Variants in TMEM65 observed in about 807,000 individuals in gnomAD.
The protein encoded by TMEM65 is transmembrane protein 65.
In TMEM65, 22 loss-of-function variants were observed where a neutral mutation model predicts 25.4. The observed-to-expected ratio is 0.86, with a 90% CI of 0.62 to 1.23. The LOEUF (loss-of-function observed/expected upper bound fraction) is 1.23, where lower values mean the gene tolerates loss of function less well. TMEM65 is among the 50% of genes most tolerant of loss of function. TMEM65 has a pLI of 0.00. For synonymous variants in TMEM65, 132 were observed against 126.2 expected (o/e 1.05, Z -0.31); for missense variants, 262 against 308.2 (o/e 0.85, Z 1.12).
At chr8:124,340,096 A>C (rs1814567328) in intron 1 of TMEM65, among the ~76,000 whole-genome samples, 1 of 152,212 alleles carries the variant, frequency 6.6e-6, no homozygotes, top group East Asian at 1.9e-4. Flanking sequence ...AAAACATCTT[A>C]AAGTCTTTTT....
At chr8:124,368,393 G>C (rs1814968650) in intron 1 of TMEM65, among the ~76,000 whole-genome samples, 1 of 149,744 alleles carries the variant, frequency 6.7e-6, no homozygotes, top group Admixed American at 6.7e-5. Flanking sequence ...AATAAGTGTG[G>C]AAGCCAGCCT....
In TMEM65 at chr8:124,311,569, G is replaced by T. The variant is rs967582252; in HGVS notation, c.*2391C>A. The T allele has an allele frequency of 6.6e-6, 1 of 152,396 alleles. No homozygotes were observed. The highest frequency in any genetic ancestry group is 1.5e-5 in the Non-Finnish European group (1 of 67,988). 9.4% of individuals were successfully genotyped at this position (152,396 alleles called of 1,614,324 possible). A position where few individuals can be genotyped will look rare whatever the true frequency, so the allele number is the denominator to read the frequency against. On this transcript the variant is annotated 3_prime_UTR_variant, in exon 7 of 7. Transcript: ENST00000297632. Reference sequence around the variant, plus strand: ...GTAGCTCATGTTGCATTTAACTATGGTTCTTGTGCTCCTAATAGAGAAGTA... The same window carrying T: ...GTAGCTCATGTTGCATTTAACTATGTTTCTTGTGCTCCTAATAGAGAAGTA...
chr8:124,310,549 T>C lies in TMEM65; in HGVS notation c.*3411A>G, dbSNP rs1161315747. The C allele has an allele frequency of 1.3e-5, 2 of 152,070 alleles. No individual in the cohort carries two copies. Among genetic ancestry groups the C allele is most frequent in the Admixed American group, 6.5e-5 (1 of 15,268 alleles). 9.4% of individuals were successfully genotyped at this position (152,070 alleles called of 1,614,324 possible). ...ATGCCTCAATTTAGCTATGAGAAAA[T>C]AGAGATGATAATGATAATAGCCCCA... is the stretch of plus-strand genomic sequence containing the variant. On this transcript the variant is annotated 3_prime_UTR_variant, in exon 7 of 7. Coordinates refer to ENST00000297632, the MANE Select transcript of TMEM65 (RefSeq NM_194291.3).
rs183099110 is a variant in TMEM65, at chr8:124,367,604, C to T, written c.304+4250G>A. ...GTGAACAGGGATTCCATAAGAAAGCCTAATTTATTTTTAAGTGTTTTAGAT... is the reference window on the plus strand; with the variant it reads ...GTGAACAGGGATTCCATAAGAAAGCTTAATTTATTTTTAAGTGTTTTAGAT... On this transcript the variant is annotated intron_variant, in intron 1 of 6. Transcript: ENST00000297632. Among the ~76,000 whole-genome samples, 539 of 152,140 alleles carry T rather than the reference C, an allele frequency of 3.5e-3. 1 individual carries two copies. The highest frequency in any genetic ancestry group is 6.1e-3 in the Non-Finnish European group (415 of 67,996).
intron 1 of TMEM65, among the ~76,000 whole-genome samples, chr8:124,337,344 C>A (rs1033882525): frequency 1.3e-5 from 2 of 151,768 alleles, no homozygotes; most frequent in Non-Finnish European, 3.0e-5. Flanking sequence ...AAGAGAAAAC[C>A]AGATGACTAT....
At chr8:124,356,467 C>G (rs1438502187) in intron 1 of TMEM65, among the ~76,000 whole-genome samples, 1 of 152,136 alleles carries the variant, frequency 6.6e-6, no homozygotes, top group Non-Finnish European at 1.5e-5. Flanking sequence ...CAGATAAAAT[C>G]AAGCTATTGC....
At chr8:124,346,645 C>T (rs186252559) in intron 1 of TMEM65, among the ~76,000 whole-genome samples, 1 of 152,258 alleles carries the variant, frequency 6.6e-6, no homozygotes, top group East Asian at 1.9e-4. Flanking sequence ...TTACAAATAA[C>T]TCAGTATTCT....
intron 1 of TMEM65, among the ~76,000 whole-genome samples, chr8:124,337,406 T>G (rs966828345): frequency 2.0e-5 from 3 of 151,976 alleles, no homozygotes; most frequent in Non-Finnish European, 4.4e-5. Flanking sequence ...ATATTCTGCT[T>G]TCCGAAGTAT....
chr8:124,313,993 A>T lies in TMEM65; in HGVS notation c.690T>A (p.Gly230=). 1 of 1,613,464 alleles carries T rather than the reference A, an allele frequency of 6.2e-7. No homozygotes were observed. The highest frequency in any genetic ancestry group is 8.5e-7 in the Non-Finnish European group (1 of 1,179,688). The change falls in exon 7 of 7, where the codon GGT becomes GGA. Residue 230 remains glycine, a synonymous_variant. Transcript: ENST00000297632. Reference sequence around the variant, plus strand: ...TCGTTTCCAGTTTTTCATCTTCTTCACCTCCTCCAAAGAAAATTAAAGGAA... The same window carrying T: ...TCGTTTCCAGTTTTTCATCTTCTTCTCCTCCTCCAAAGAAAATTAAAGGAA... The part of the protein sequence containing the change: ...GMFPLIFFGG[G]EEDEKLETKS
intron 4 of TMEM65, 40 bp from the exon 5 acceptor site, chr8:124,322,187 T>A (rs1367520922): frequency 7.0e-7 from 1 of 1,435,160 alleles, no homozygotes; most frequent in Non-Finnish European, 9.7e-7. Flanking sequence ...CATAAAAGAA[T>A]AATAATTATA....
intron 5 of TMEM65, 49 bp from the exon 6 acceptor site, chr8:124,320,240 C>G (rs750022469): frequency 2.1e-6 from 3 of 1,431,730 alleles, no homozygotes; most frequent in South Asian, 1.3e-5. Context: ...TTCAATAAAG[C>G]CTTTACAAAA....
Position 124,309,167 on chromosome 8 carries a change from TATAAC to T in TMEM65, c.*4788_*4792del, listed in dbSNP as rs564358618. ...TTATTTTAATACAATATATGATACA[TATAAC>T]ATACAAAATACGTGTTAATCTACTG... On this transcript the variant is annotated 3_prime_UTR_variant, in exon 7 of 7. Transcript: ENST00000297632. 93 of 152,354 alleles carry T rather than the reference TATAAC, an allele frequency of 6.1e-4. No homozygotes were observed. Among genetic ancestry groups the T allele is most frequent in the African/African-American group, 2.2e-3 (90 of 41,578 alleles). The allele number at this position is 152,354 out of a possible 1,614,324, so 9.4% of individuals were successfully genotyped here. A position where few individuals can be genotyped will look rare whatever the true frequency, so the allele number is the denominator to read the frequency against.
chr8:124,361,892 T>C (rs902028714), intron 1 of TMEM65, among the ~76,000 whole-genome samples: 5 of 151,994 alleles, frequency 3.3e-5, no homozygotes, highest in Admixed American at 6.5e-5. Flanking sequence ...TTTGTCGGTT[T>C]TTTGGAGGGT....
chr8:124,371,656 C>A (rs1236233776), intron 1 of TMEM65, among the ~76,000 whole-genome samples, 198 bp downstream of exon 1: 1 of 152,194 alleles, frequency 6.6e-6, no homozygotes, highest in African/African-American at 2.4e-5. Flanking sequence ...GCCCGTCCTA[C>A]CTGCCTGGGG....
chr8:124,364,465 G>A (rs1814913016), intron 1 of TMEM65, among the ~76,000 whole-genome samples: 1 of 152,178 alleles, frequency 6.6e-6, no homozygotes, highest in South Asian at 2.1e-4. Context: ...GAGGCATTTG[G>A]TGTAATGATT....
chr8:124,339,120 C>T (rs141419489), intron 1 of TMEM65, among the ~76,000 whole-genome samples: 1 of 140,040 alleles, frequency 7.1e-6, no homozygotes, highest in Non-Finnish European at 1.5e-5. Flanking sequence ...ACCTCAGAGG[C>T]AGAGCTTGCG....
At chr8:124,319,365 C>G (rs926384743) in intron 6 of TMEM65, among the ~76,000 whole-genome samples, 1 of 152,060 alleles carries the variant, frequency 6.6e-6, no homozygotes, top group Non-Finnish European at 1.5e-5. Flanking sequence ...CCTGGCTCTC[C>G]ATCACTTAGG....
intron 1 of TMEM65, among the ~76,000 whole-genome samples, chr8:124,359,333 T>C (rs560039360): frequency 3.9e-5 from 6 of 152,196 alleles, no homozygotes; most frequent in African/African-American, 1.4e-4. Flanking sequence ...CTTAAAGAGA[T>C]AGCAAAATCT....
chr8:124,361,672 T>TA (rs1371288339), intron 1 of TMEM65, among the ~76,000 whole-genome samples: 1 of 150,184 alleles, frequency 6.7e-6, no homozygotes. Context: ...CGTCTCTATT[T>TA]AAAAAATACA....
Sources: allele counts gnomAD v4.1 joint callset (sites outside exome capture counted in the v4.1 genomes callset), GRCh38; gene constraint gnomAD v4.1.1; transcripts MANE v1.5; gene names NCBI Gene and HGNC (gene_info 2026-07-23, HGNC 2026-07-21).